ESR2: variants seen among roughly 807,000 people sequenced by gnomAD.
ESR2 encodes the protein estrogen receptor 2.
ESR2 carries 36 observed loss-of-function variants against 49.6 expected under a neutral mutation model. The observed-to-expected ratio is 0.73, with a 90% CI of 0.56 to 0.96. The LOEUF is 0.96. Among genes scored for constraint, ESR2 ranks in the 40% least tolerant of loss-of-function variants. The pLI, the probability that ESR2 is intolerant of heterozygous loss-of-function variation, is 0.00. For missense variants in ESR2, 714 were observed against 693.0 expected (o/e 1.03, Z -0.34); for synonymous variants, 320 against 266.1 (o/e 1.20, Z -1.97).
In ESR2 at chr14:64,229,718, A is replaced by G. The variant is rs2098725474; in HGVS notation, c.*3419T>C. ...CACGTGACCTTCAGCAAGTTTGCTTAGACCGTGTCTAGTTCCACAACCAGA... is the reference window on the plus strand; with the variant it reads ...CACGTGACCTTCAGCAAGTTTGCTTGGACCGTGTCTAGTTCCACAACCAGA... On this transcript the variant is annotated 3_prime_UTR_variant, in exon 9 of 9. Transcript: ENST00000341099. Among the ~76,000 whole-genome samples the G allele has an allele frequency of 1.3e-5, 2 of 152,370 alleles. No homozygotes were observed. Among genetic ancestry groups the G allele is most frequent in the South Asian group, 4.1e-4 (2 of 4,832 alleles).
rs1340314858 is a variant in ESR2, at chr14:64,232,769, CCT to C, written c.*366_*367del. On this transcript the variant is annotated 3_prime_UTR_variant, in exon 9 of 9. Coordinates refer to ENST00000341099, the MANE Select transcript of ESR2 (RefSeq NM_001437.3). ...GCCCACTTCTGTAAGCGTGTCACTT[CCT>C]CTCCCCTTTCTGATTCGCAGCCCTT... is the stretch of plus-strand genomic sequence containing the variant. 5.3e-6 allele frequency: 1 copy of C among 190,020 alleles called. No individual in the cohort carries two copies. The highest frequency in any genetic ancestry group is 1.1e-5 in the Non-Finnish European group (1 of 91,396). The allele number at this position is 190,020 out of a possible 1,614,324, so 11.8% of individuals were successfully genotyped here.
chr14:64,251,217 C>T (rs72548767), intron 6 of ESR2, among the ~76,000 whole-genome samples: 1 of 151,786 alleles, frequency 6.6e-6, no homozygotes, highest in Non-Finnish European at 1.5e-5. Flanking sequence ...ATCACCTTGC[C>T]TGCGGACAAT....
chr14:64,264,069 TGTAA>T (rs72413079), intron 4 of ESR2, among the ~76,000 whole-genome samples: 2,794 of 152,270 alleles, frequency 0.018, 70 homozygotes, highest in East Asian at 0.086. Context: ...AAAGACATGT[TGTAA>T]GTAAGGATGT....
chr14:64,257,502 A>C, intron 5 of ESR2, 138 bp from the exon 6 acceptor site: 1 of 1,079,362 alleles, frequency 9.3e-7, no homozygotes, highest in Non-Finnish European at 1.3e-6. Flanking sequence ...GATGTGATTA[A>C]CTGCTCATTA....
intron 1 of ESR2, chr14:64,330,991 G>A (rs1304194163): frequency 6.6e-6 from 1 of 150,550 alleles, no homozygotes. Context: ...AAAGACCAGA[G>A]GAGAAAAAAC....
intron 6 of ESR2, among the ~76,000 whole-genome samples, chr14:64,253,847 T>TC (rs2076043920): frequency 6.6e-6 from 1 of 152,110 alleles, no homozygotes; most frequent in Non-Finnish European, 1.5e-5. Context: ...CACAATGGGA[T>TC]CCAAGCCAGA....
At chr14:64,273,470 G>C (rs2076491421) in intron 3 of ESR2, among the ~76,000 whole-genome samples, 1 of 151,988 alleles carries the variant, frequency 6.6e-6, no homozygotes, top group African/African-American at 2.4e-5. Context: ...ATTGGGCTGA[G>C]GTATATTCTG....
At position 64,274,113 on chromosome 14, in the gene ESR2, AT is replaced by A. The variant is rs61539406; in HGVS notation, c.536-5203del. Among the ~76,000 whole-genome samples, 1,155 of 141,756 alleles carry A rather than the reference AT, an allele frequency of 8.1e-3. 6 individuals carry two copies. The highest frequency in any genetic ancestry group is 0.021 in the African/African-American group (826 of 38,786). 93.0% of individuals were successfully genotyped at this position (141,756 alleles called of 152,430 possible). A position where few individuals can be genotyped will look rare whatever the true frequency, so the allele number is the denominator to read the frequency against. ...TACCACCACACCTGGCTAATTTGTA[AT>A]TTTTTTTTTTTTTGTAGAGATAGGG... On this transcript the variant is annotated intron_variant, in intron 3 of 8. Coordinates refer to ENST00000341099, the MANE Select transcript of ESR2 (RefSeq NM_001437.3).
At chr14:64,272,851 G>A (rs2140780282) in intron 3 of ESR2, among the ~76,000 whole-genome samples, 1 of 152,124 alleles carries the variant, frequency 6.6e-6, no homozygotes, top group Middle Eastern at 3.4e-3. Flanking sequence ...GGTTATTCTG[G>A]ATCTTTTGTG....
At chr14:64,247,067 C>A (rs1372238823) in intron 7 of ESR2, among the ~76,000 whole-genome samples, 1 of 152,194 alleles carries the variant, frequency 6.6e-6, no homozygotes, top group Non-Finnish European at 1.5e-5. Context: ...AACTCTTGGA[C>A]AGTATCCTGT....
At chr14:64,333,305 G>T (rs1423867837) in intron 1 of ESR2, among the ~76,000 whole-genome samples, 1 of 152,054 alleles carries the variant, frequency 6.6e-6, no homozygotes, top group Non-Finnish European at 1.5e-5. Flanking sequence ...GTTAAGTCCT[G>T]CTTGCCTCTT....
intron 1 of ESR2, among the ~76,000 whole-genome samples, chr14:64,321,575 T>A (rs1197061620): frequency 6.6e-6 from 1 of 152,172 alleles, no homozygotes; most frequent in African/African-American, 2.4e-5. Flanking sequence ...TAAATAGAGA[T>A]GGACCATTAT....
chr14:64,280,215 GAAA>G lies in ESR2; in HGVS notation c.363-65_363-63del, dbSNP rs5809225. 34 of 1,039,868 alleles carry G rather than the reference GAAA, an allele frequency of 3.3e-5. No individual in the cohort carries two copies. The African/African-American group carries it at 4.7e-4, about 14-fold the overall frequency. 64.4% of individuals were successfully genotyped at this position (1,039,868 alleles called of 1,614,324 possible). Reference sequence around the variant, plus strand: ...AAAAGGGAAAGGAAGGGCTTTCTAGGAAAAAAAAATAGCATGAACATTGCCTAA... The same window carrying G: ...AAAAGGGAAAGGAAGGGCTTTCTAGGAAAAAATAGCATGAACATTGCCTAA... On this transcript the variant is annotated intron_variant, in intron 2 of 8. Transcript: ENST00000341099.
At chr14:64,289,255 G>A (rs1472993441) in intron 1 of ESR2, among the ~76,000 whole-genome samples, 4 of 152,134 alleles carry the variant, frequency 2.6e-5, no homozygotes, top group African/African-American at 9.7e-5. Flanking sequence ...GCTCACGCCT[G>A]TAACCCCAGC....
intron 6 of ESR2, among the ~76,000 whole-genome samples, chr14:64,254,434 A>G (rs995990493): frequency 3.3e-5 from 5 of 152,100 alleles, no homozygotes; most frequent in Admixed American, 1.3e-4. Flanking sequence ...GACTTCAGAA[A>G]GTTAATGTGT....
intron 1 of ESR2, among the ~76,000 whole-genome samples, chr14:64,300,899 G>A (rs1397468349): frequency 6.6e-6 from 1 of 152,144 alleles, no homozygotes; most frequent in Non-Finnish European, 1.5e-5. Context: ...GTCTACCTGA[G>A]ACACAAGGAA....
chr14:64,292,245 A>T (rs1320327441), intron 1 of ESR2, among the ~76,000 whole-genome samples: 3 of 122,082 alleles, frequency 2.5e-5, no homozygotes, highest in Non-Finnish European at 3.6e-5. Flanking sequence ...GTAAAGGAAA[A>T]TATGTCTAAG....
chr14:64,276,714 G>A (rs1327821842), intron 3 of ESR2, among the ~76,000 whole-genome samples: 1 of 152,104 alleles, frequency 6.6e-6, no homozygotes, highest in Non-Finnish European at 1.5e-5. Context: ...CAATAATAAA[G>A]AGTTAAATAA....
chr14:64,326,337 A>G (rs1045244816), intron 1 of ESR2, among the ~76,000 whole-genome samples: 9 of 152,220 alleles, frequency 5.9e-5, no homozygotes, highest in African/African-American at 2.2e-4. Context: ...TCATACCATA[A>G]TTCAAGATTT....
Sources: gnomAD v4.1 joint callset for allele counts (sites outside exome capture counted in the v4.1 genomes callset) on GRCh38, gnomAD v4.1.1 for gene constraint, MANE v1.5 for transcripts, NCBI Gene and HGNC (gene_info 2026-07-23, HGNC 2026-07-21) for gene names.